MED26: variants seen among roughly 807,000 people sequenced by gnomAD.
MED26 encodes mediator complex subunit 26, also known as mediator of RNA polymerase II transcription subunit 26.
In MED26, 7 loss-of-function variants were observed where a neutral mutation model predicts 43.7. The ratio of observed to expected loss-of-function variants is 0.16; its 90% CI spans 0.09 to 0.30. The LOEUF is 0.30. Ranked by LOEUF, MED26 falls within the 10% of genes least tolerant of loss-of-function variation. The probability of loss-of-function intolerance (pLI) is 1.00; values close to 1 mark genes in which losing one functional copy is unlikely to be tolerated. For missense variants in MED26, 784 were observed against 840.6 expected, an observed-to-expected ratio of 0.93 and a Z score of 0.83; for synonymous variants, 375 against 371.1, an observed-to-expected ratio of 1.01 and a Z score of -0.12.
intron 2 of MED26, chr19:16,578,059 TGCCTCTCACTGGA>T: frequency 1.9e-6 from 1 of 521,248 alleles, no homozygotes; most frequent in Non-Finnish European, 3.4e-6. Flanking sequence ...TTGGGGATGG[TGCCTCTCACTGGA>T]GCCTCCTCCA....
At chr19:16,624,862 G>A (rs1048857230) in intron 1 of MED26, among the ~76,000 whole-genome samples, 4 of 152,208 alleles carry the variant, frequency 2.6e-5, no homozygotes, top group African/African-American at 9.6e-5. Flanking sequence ...TGTGCCTAAT[G>A]CTTCTGCTCT....
intron 1 of MED26, among the ~76,000 whole-genome samples, chr19:16,613,631 G>A (rs1400968833): frequency 6.6e-6 from 1 of 152,244 alleles, no homozygotes; most frequent in Non-Finnish European, 1.5e-5. Context: ...GAGGGCAGAA[G>A]GAGTCGGGCT....
chr19:16,585,238 A>T (rs1318725774), intron 1 of MED26, among the ~76,000 whole-genome samples: 2 of 151,712 alleles, frequency 1.3e-5, no homozygotes, highest in Non-Finnish European at 2.9e-5. Flanking sequence ...TCCCGGTCCG[A>T]CTCTCAGGTG....
In MED26 at chr19:16,601,405, T is replaced by G. The variant is rs995437924; in HGVS notation, c.73-22996A>C. ...CCCAACCTCACGTTATCTGTCCACC[T>G]CGGCCTCCCAAAGTGTTGGGATTAC... is the stretch of plus-strand genomic sequence containing the variant. On this transcript the variant is annotated intron_variant, in intron 1 of 2. Transcript: ENST00000263390. Among the ~76,000 whole-genome samples, 3 of 152,150 alleles carry G rather than the reference T, an allele frequency of 2.0e-5. 1 individual carries two copies. Among genetic ancestry groups the G allele is most frequent in the Non-Finnish European group, 1.5e-5 (1 of 68,034 alleles).
At chr19:16,593,378 C>T (rs1434739868) in intron 1 of MED26, among the ~76,000 whole-genome samples, 1 of 152,186 alleles carries the variant, frequency 6.6e-6, no homozygotes, top group East Asian at 1.9e-4. Flanking sequence ...CACACATCTG[C>T]TCAGACTTTC....
At chr19:16,626,799 C>A (rs954984850) in intron 1 of MED26, among the ~76,000 whole-genome samples, 2 of 152,154 alleles carry the variant, frequency 1.3e-5, no homozygotes, top group Admixed American at 1.3e-4. Flanking sequence ...GGAAGCAGGG[C>A]CTCCCCTCAT....
At chr19:16,596,879 A>G (rs2086122351) in intron 1 of MED26, among the ~76,000 whole-genome samples, 1 of 152,214 alleles carries the variant, frequency 6.6e-6, no homozygotes, top group South Asian at 2.1e-4. Flanking sequence ...TGCACGGCAC[A>G]CTGTGCCACA....
intron 1 of MED26, among the ~76,000 whole-genome samples, chr19:16,609,445 T>C (rs1395503621): frequency 6.6e-6 from 1 of 151,948 alleles, no homozygotes; most frequent in Non-Finnish European, 1.5e-5. Flanking sequence ...ATTGGCTATA[T>C]GGAACTGACA....
intron 1 of MED26, among the ~76,000 whole-genome samples, chr19:16,607,079 C>T (rs1008329253): frequency 5.3e-5 from 8 of 152,122 alleles, no homozygotes; most frequent in Non-Finnish European, 1.0e-4. Flanking sequence ...CGATGGCATA[C>T]ACCTGTAATC....
chr19:16,611,559 TG>T (rs1335947627), intron 1 of MED26: 2 of 152,172 alleles, frequency 1.3e-5, no homozygotes, highest in African/African-American at 4.8e-5. Flanking sequence ...GAAAAGACAA[TG>T]GAGCATAGGG....
At chr19:16,623,650 C>T (rs1243206891) in intron 1 of MED26, among the ~76,000 whole-genome samples, 1 of 152,140 alleles carries the variant, frequency 6.6e-6, no homozygotes, top group East Asian at 1.9e-4. Context: ...AAATCCAGCC[C>T]CAATCTGTAA....
At chr19:16,598,336 CAAAAAAAA>C (rs35572400) in intron 1 of MED26, among the ~76,000 whole-genome samples, 1 of 63,418 alleles carries the variant, frequency 1.6e-5, no homozygotes, top group African/African-American at 7.3e-5. Context: ...GATTCCATCT[CAAAAAAAA>C]AAAAAAAAAA....
intron 1 of MED26, chr19:16,588,434 A>G (rs995831309): frequency 6.6e-6 from 1 of 152,326 alleles, no homozygotes; most frequent in Non-Finnish European, 1.5e-5. Context: ...GATGCACACA[A>G]CAGCGCACCC....
chr19:16,622,126 T>C (rs1307788263), intron 1 of MED26, among the ~76,000 whole-genome samples: 4 of 152,374 alleles, frequency 2.6e-5, no homozygotes, highest in South Asian at 2.1e-4. Flanking sequence ...ACCTGGATGA[T>C]AGAATATACT....
Position 16,575,664 on chromosome 19 carries a change from C to T in MED26, c.*363G>A. The T allele has an allele frequency of 4.2e-6, 1 of 240,050 alleles. No individual in the cohort carries two copies. Among genetic ancestry groups the T allele is most frequent in the South Asian group, 7.5e-5 (1 of 13,366 alleles). 14.9% of individuals were successfully genotyped at this position (240,050 alleles called of 1,614,324 possible). On this transcript the variant is annotated 3_prime_UTR_variant, in exon 3 of 3. Coordinates refer to ENST00000263390, the MANE Select transcript of MED26 (RefSeq NM_004831.5). ...TGACCTCTCCCACAGGTTTTCTGTG[C>T]CTGCCTGCAACTGAGGCCCCAGCTT... is the stretch of plus-strand genomic sequence containing the variant.
intron 1 of MED26, among the ~76,000 whole-genome samples, chr19:16,593,936 A>C (rs1365213779): frequency 6.6e-6 from 1 of 152,168 alleles, no homozygotes; most frequent in African/African-American, 2.4e-5. Flanking sequence ...TTCGTTTTCA[A>C]TGCAGAGGTC....
intron 1 of MED26, among the ~76,000 whole-genome samples, chr19:16,599,068 G>A (rs1032729985): frequency 1.3e-5 from 2 of 152,166 alleles, no homozygotes; most frequent in African/African-American, 2.4e-5. Context: ...GTGTCCTGGC[G>A]CTGGTGCAGT....
intron 1 of MED26, among the ~76,000 whole-genome samples, chr19:16,617,867 C>T (rs1048079876): frequency 6.6e-6 from 1 of 152,174 alleles, no homozygotes; most frequent in Non-Finnish European, 1.5e-5. Flanking sequence ...TACCCATTCA[C>T]AAAACTTTCC....
intron 1 of MED26, among the ~76,000 whole-genome samples, chr19:16,602,731 G>T (rs1485016562): frequency 1.3e-5 from 2 of 152,196 alleles, no homozygotes; most frequent in African/African-American, 2.4e-5. Flanking sequence ...TATGCTGAGG[G>T]AAAGAAGCCA....
Sources: gnomAD v4.1 joint callset for allele counts (sites outside exome capture counted in the v4.1 genomes callset) on GRCh38, gnomAD v4.1.1 for gene constraint, MANE v1.5 for transcripts, NCBI Gene and HGNC (gene_info 2026-07-23, HGNC 2026-07-21) for gene names.